KIF13B: variants seen among roughly 807,000 people sequenced by gnomAD.
KIF13B encodes kinesin family member 13B.
KIF13B carries 127 observed loss-of-function variants against 222.0 expected under a neutral mutation model. The observed-to-expected ratio is 0.57, with a 90% CI of 0.50 to 0.66. The LOEUF (loss-of-function observed/expected upper bound fraction) is 0.66, where lower values mean the gene tolerates loss of function less well. Ranked by LOEUF, KIF13B falls within the 30% of genes least tolerant of loss-of-function variation. The pLI is 0.00. For synonymous variants in KIF13B, 976 were observed against 919.0 expected, an observed-to-expected ratio of 1.06 and a Z score of -1.12; for missense variants, 2,173 against 2,379.0, an observed-to-expected ratio of 0.91 and a Z score of 1.80.
At chr8:29,222,191 G>GA (rs1309686061) in intron 2 of KIF13B, among the ~76,000 whole-genome samples, 2 of 151,608 alleles carry the variant, frequency 1.3e-5, no homozygotes, top group African/African-American at 2.4e-5. Context: ...TACAAAAAAA[G>GA]AAAAAAAGAA....
At chr8:29,254,656 G>T (rs1361357143) in intron 1 of KIF13B, among the ~76,000 whole-genome samples, 4 of 152,202 alleles carry the variant, frequency 2.6e-5, no homozygotes, top group African/African-American at 9.6e-5. Flanking sequence ...ACAAGAACAA[G>T]TGTTGGTGAG....
At chr8:29,157,392 CA>C (rs371702237) in intron 13 of KIF13B, among the ~76,000 whole-genome samples, 13,314 of 89,006 alleles carry the variant, frequency 0.15, 607 homozygotes, top group African/African-American at 0.23. Flanking sequence ...TCGTCTCTAC[CA>C]AAAAAAAAAA....
At chr8:29,179,206 T>A (rs1020030771) in intron 8 of KIF13B, among the ~76,000 whole-genome samples, 9 of 151,936 alleles carry the variant, frequency 5.9e-5, no homozygotes, top group African/African-American at 1.2e-4. Flanking sequence ...AGTCTCAAGC[T>A]CCTGGGCTCA....
At chr8:29,075,369 G>A (rs779941766) in intron 37 of KIF13B, 26 bp from the exon 38 acceptor site, 3 of 1,549,532 alleles carry the variant, frequency 1.9e-6, no homozygotes, top group Non-Finnish European at 2.6e-6. Context: ...TGCAGGTCAG[G>A]GGTCGAGAGG....
At chr8:29,182,047 C>T (rs553822712) in intron 6 of KIF13B, 41 bp from the exon 7 acceptor site, 3 of 1,516,246 alleles carry the variant, frequency 2.0e-6, no homozygotes, top group African/African-American at 1.4e-5. Context: ...TAACAATAGC[C>T]TATTTTTAAA....
At chr8:29,096,990 C>T (rs374751802) in intron 36 of KIF13B, among the ~76,000 whole-genome samples, 6 of 151,888 alleles carry the variant, frequency 4.0e-5, no homozygotes, top group Non-Finnish European at 5.9e-5. Flanking sequence ...TGGAAGGGTT[C>T]GTGAAGCATG....
chr8:29,155,857 C>CT lies in KIF13B; in HGVS notation c.1405-2dup. The CT allele has an allele frequency of 6.4e-7, 1 of 1,568,050 alleles. No homozygotes were observed. Among genetic ancestry groups the CT allele is most frequent in the South Asian group, 1.2e-5 (1 of 85,628 alleles). ...TTGCTGACCCTATCAATGTATGTTC[C>CT]TAAGAAAAAACCAAATTCACTGATT... is the stretch of plus-strand genomic sequence containing the variant. On this transcript the variant is annotated splice_acceptor_variant, in intron 13 of 39. Coordinates refer to ENST00000524189, the MANE Select transcript of KIF13B (RefSeq NM_015254.4). LOFTEE classifies it high-confidence loss of function.
At chr8:29,256,150 A>G (rs1456612809) in intron 1 of KIF13B, among the ~76,000 whole-genome samples, 2 of 152,202 alleles carry the variant, frequency 1.3e-5, no homozygotes, top group African/African-American at 4.8e-5. Flanking sequence ...GGCAGGGTAC[A>G]CAGCACATAA....
rs778051305 is a variant in KIF13B, at chr8:29,117,043, T to C, written c.3661-36A>G. On this transcript the variant is annotated intron_variant, in intron 30 of 39. Transcript: ENST00000524189. ...GACAGAGAGGAAACAGGTTTCTCTC[T>C]TCTCCAGAAACATGAAAACTCTTTC... is the stretch of plus-strand genomic sequence containing the variant. 16 of 1,511,476 alleles carry C rather than the reference T, an allele frequency of 1.1e-5. No individual in the cohort carries two copies. In the African/African-American group the frequency reaches 1.8e-4, roughly 17 times the overall value. The allele number at this position is 1,511,476 out of a possible 1,614,324, so 93.6% of individuals were successfully genotyped here.
At chr8:29,101,847 C>T (rs953661045) in intron 35 of KIF13B, among the ~76,000 whole-genome samples, 7 of 152,280 alleles carry the variant, frequency 4.6e-5, no homozygotes, top group African/African-American at 1.7e-4. Flanking sequence ...CTGGGTACCA[C>T]GCGCTTCCCT....
intron 2 of KIF13B, among the ~76,000 whole-genome samples, chr8:29,224,225 G>A (rs565077519): frequency 1.3e-5 from 2 of 150,750 alleles, no homozygotes; most frequent in East Asian, 1.9e-4. Context: ...GGATGGTCTC[G>A]ATCTCCTGAC....
At chr8:29,231,260 A>T (rs1815272273) in intron 2 of KIF13B, among the ~76,000 whole-genome samples, 3 of 152,336 alleles carry the variant, frequency 2.0e-5, no homozygotes, top group African/African-American at 7.2e-5. Context: ...GAAGGCTACC[A>T]TACGGGTTCG....
rs558461465 is a variant in KIF13B, at chr8:29,184,323, A to G, written c.497+1969T>C. 4.6e-5 allele frequency among the ~76,000 whole-genome samples: 7 copies of G among 152,236 alleles called. No individual in the cohort carries two copies. The East Asian group carries it at 1.3e-3, about 29-fold the overall frequency. ...TTTACTTTGAATCTTCAGAAACTAAAAAAAAAAAATTTCCAAGAAATTTTC... is the reference window on the plus strand; with the variant it reads ...TTTACTTTGAATCTTCAGAAACTAAGAAAAAAAAATTTCCAAGAAATTTTC... On this transcript the variant is annotated intron_variant, in intron 6 of 39. Coordinates refer to ENST00000524189, the MANE Select transcript of KIF13B (RefSeq NM_015254.4).
chr8:29,142,006 TA>T, intron 19 of KIF13B, 150 bp downstream of exon 19: 2 of 526,640 alleles, frequency 3.8e-6, no homozygotes, highest in Non-Finnish European at 3.3e-6. Context: ...GTTAATTTGC[TA>T]AACAATTTAG....
chr8:29,240,049 A>G lies in KIF13B; in HGVS notation c.149+5297T>C, dbSNP rs538748092. Reference sequence around the variant, plus strand: ...AAACACAAAAGAGGAAAAAAAAAAAAAGAAAGAACAGGAAATTTGATAAAA... The same window carrying G: ...AAACACAAAAGAGGAAAAAAAAAAAGAGAAAGAACAGGAAATTTGATAAAA... On this transcript the variant is annotated intron_variant, in intron 2 of 39. Coordinates refer to ENST00000524189, the MANE Select transcript of KIF13B (RefSeq NM_015254.4). Among the ~76,000 whole-genome samples, 348 of 151,988 alleles carry G rather than the reference A, an allele frequency of 2.3e-3. 1 individual carries two copies. The highest frequency in any genetic ancestry group is 8.0e-3 in the African/African-American group (332 of 41,486).
intron 24 of KIF13B, among the ~76,000 whole-genome samples, 197 bp from the exon 25 acceptor site, chr8:29,127,465 C>G (rs1810164501): frequency 6.6e-6 from 1 of 152,008 alleles, no homozygotes; most frequent in Admixed American, 6.6e-5. Flanking sequence ...AGCTAAAAAA[C>G]AGAATAAATA....
chr8:29,201,498 G>C (rs1312799523), intron 2 of KIF13B, among the ~76,000 whole-genome samples: 1 of 152,078 alleles, frequency 6.6e-6, no homozygotes, highest in Non-Finnish European at 1.5e-5. Flanking sequence ...AATTGATATT[G>C]GGTCCAAAAG....
intron 13 of KIF13B, among the ~76,000 whole-genome samples, chr8:29,158,655 C>T (rs1811639752): frequency 6.6e-6 from 1 of 152,156 alleles, no homozygotes; most frequent in Non-Finnish European, 1.5e-5. Flanking sequence ...CTCCAAATTC[C>T]ACCATAAAAC....
At chr8:29,122,240 C>T (rs572928718) in intron 29 of KIF13B, among the ~76,000 whole-genome samples, 6 of 152,010 alleles carry the variant, frequency 3.9e-5, no homozygotes, top group Non-Finnish European at 8.8e-5. Context: ...GGTGACAGAT[C>T]AAGACTCTGT....
Sources: gnomAD v4.1 joint callset for allele counts (sites outside exome capture counted in the v4.1 genomes callset) on GRCh38, gnomAD v4.1.1 for gene constraint, MANE v1.5 for transcripts, NCBI Gene and HGNC (gene_info 2026-07-23, HGNC 2026-07-21) for gene names.